GNG7: variants seen among roughly 807,000 people sequenced by gnomAD.
The protein encoded by GNG7 is guanine nucleotide-binding protein G(I)/G(S)/G(O) subunit gamma-7.
GNG7 carries 1 observed loss-of-function variant against 4.0 expected under a neutral mutation model. The ratio of observed to expected loss-of-function variants is 0.25; its 90% CI spans 0.09 to 1.18. GNG7 has a LOEUF of 1.18. Ranked by LOEUF, GNG7 falls within the 50% of genes most tolerant of loss-of-function variation. The pLI is 0.50. For missense variants in GNG7, 86 were observed against 91.9 expected, an observed-to-expected ratio of 0.94 and a Z score of 0.26; for synonymous variants, 34 against 36.9, an observed-to-expected ratio of 0.92 and a Z score of 0.29.
intron 1 of GNG7, among the ~76,000 whole-genome samples, chr19:2,669,350 C>T (rs763898315): frequency 3.9e-5 from 6 of 152,014 alleles, no homozygotes; most frequent in Admixed American, 6.6e-5. Flanking sequence ...ATTAGCTGGG[C>T]GTGGTGGTGC....
intron 2 of GNG7, among the ~76,000 whole-genome samples, chr19:2,598,676 A>G (rs1202473945): frequency 1.1e-5 from 1 of 88,762 alleles, no homozygotes; most frequent in African/African-American, 4.5e-5. Context: ...GAAAAGTAAT[A>G]AAATAATAAT....
intron 2 of GNG7, among the ~76,000 whole-genome samples, chr19:2,628,986 G>C (rs1476726122): frequency 6.6e-6 from 1 of 152,190 alleles, no homozygotes; most frequent in East Asian, 1.9e-4. Flanking sequence ...CAGGCGGTGG[G>C]GGTCTTGGGC....
intron 1 of GNG7, among the ~76,000 whole-genome samples, chr19:2,682,184 C>T (rs1254856421): frequency 6.6e-6 from 1 of 151,914 alleles, no homozygotes; most frequent in Non-Finnish European, 1.5e-5. Context: ...GCTGTGATTA[C>T]AGGCGTGAGC....
In GNG7 at chr19:2,514,962, CAGAGACAGAG is replaced by C; in HGVS notation, c.*50_*59del. On this transcript the variant is annotated 3_prime_UTR_variant, in exon 5 of 5. Transcript: ENST00000382159. ...AATGATGCCCTGCCTGAGACAGAGA[CAGAGACAGAG>C]AGAGAGAGAGAGAAAGAGAGAGAGA... 6.5e-6 allele frequency: 9 copies of C among 1,374,664 alleles called. No individual in the cohort carries two copies. The highest frequency in any genetic ancestry group is 1.4e-5 in the African/African-American group (1 of 69,294). The allele number at this position is 1,374,664 out of a possible 1,614,324, so 85.2% of individuals were successfully genotyped here.
At chr19:2,620,582 A>G (rs1265606428) in intron 2 of GNG7, among the ~76,000 whole-genome samples, 1 of 152,216 alleles carries the variant, frequency 6.6e-6, no homozygotes, top group African/African-American at 2.4e-5. Context: ...ATTTTCAACG[A>G]AACATCCCAG....
At chr19:2,533,055 C>T (rs1001721810) in intron 3 of GNG7, among the ~76,000 whole-genome samples, 1 of 151,820 alleles carries the variant, frequency 6.6e-6, no homozygotes, top group African/African-American at 2.4e-5. Flanking sequence ...TGCCTGTCAA[C>T]GAGAGAATAA....
At chr19:2,515,293 C>G in intron 4 of GNG7, 146 bp from the exon 5 acceptor site, 2 of 896,030 alleles carry the variant, frequency 2.2e-6, no homozygotes, top group East Asian at 2.6e-5. Context: ...TGCGGCCCGT[C>G]CACACGCTGG....
intron 1 of GNG7, among the ~76,000 whole-genome samples, chr19:2,687,741 C>T (rs960423496): frequency 1.1e-4 from 17 of 150,800 alleles, no homozygotes; most frequent in African/African-American, 3.9e-4. Flanking sequence ...TTTGGGAGGC[C>T]GAGGCAGGCA....
At chr19:2,574,406 G>A (rs1011521847) in intron 2 of GNG7, among the ~76,000 whole-genome samples, 2 of 152,080 alleles carry the variant, frequency 1.3e-5, no homozygotes, top group African/African-American at 4.8e-5. Flanking sequence ...CCAGCCCCTG[G>A]CACTCACTCA....
intron 2 of GNG7, among the ~76,000 whole-genome samples, chr19:2,599,005 G>A (rs775772477): frequency 7.2e-5 from 11 of 152,300 alleles, no homozygotes; most frequent in Non-Finnish European, 1.3e-4. Context: ...CAGTTCCACC[G>A]AGGGCCCATG....
intron 1 of GNG7, among the ~76,000 whole-genome samples, chr19:2,685,788 G>A (rs1193318592): frequency 6.6e-6 from 1 of 152,130 alleles, no homozygotes; most frequent in Non-Finnish European, 1.5e-5. Flanking sequence ...CTCCCGAGAC[G>A]AGGGCCTGGT....
chr19:2,673,295 AAAC>A (rs1983512882), intron 1 of GNG7, among the ~76,000 whole-genome samples: 6 of 150,880 alleles, frequency 4.0e-5, no homozygotes, highest in African/African-American at 1.5e-4. Context: ...AAACAAAAAA[AAAC>A]CCAGCAGGTC....
At chr19:2,668,192 T>G (rs78907674) in intron 1 of GNG7, among the ~76,000 whole-genome samples, 1 of 148,468 alleles carries the variant, frequency 6.7e-6, no homozygotes, top group East Asian at 2.0e-4. Flanking sequence ...TCTGTAAATC[T>G]GAAACTATTC....
At chr19:2,598,803 G>A (rs1036231508) in intron 2 of GNG7, among the ~76,000 whole-genome samples, 3 of 151,852 alleles carry the variant, frequency 2.0e-5, no homozygotes, top group African/African-American at 7.2e-5. Context: ...TCTTTCTAAG[G>A]AGCCACTAGG....
chr19:2,671,469 C>A (rs1020584215), intron 1 of GNG7, among the ~76,000 whole-genome samples: 1 of 152,144 alleles, frequency 6.6e-6, no homozygotes, highest in East Asian at 1.9e-4. Context: ...CTGCCTCACA[C>A]GCTTCCCCCA....
chr19:2,513,158 C>T lies in GNG7; in HGVS notation c.*1864G>A, dbSNP rs1395251668. ...GCACACACACCCGGAGCCCTCTAGC[C>T]TTGGCGAGGTGGGAACCCTGGCAGT... On this transcript the variant is annotated 3_prime_UTR_variant, in exon 5 of 5. Transcript: ENST00000382159. 1 of 983,070 alleles carries T rather than the reference C, an allele frequency of 1.0e-6. No individual in the cohort carries two copies. Among genetic ancestry groups the T allele is most frequent in the Non-Finnish European group, 1.2e-6 (1 of 827,846 alleles). The allele number at this position is 983,070 out of a possible 1,614,324, so 60.9% of individuals were successfully genotyped here. A position where few individuals can be genotyped will look rare whatever the true frequency, so the allele number is the denominator to read the frequency against.
chr19:2,608,564 C>T (rs897535939), intron 2 of GNG7, among the ~76,000 whole-genome samples: 1 of 152,226 alleles, frequency 6.6e-6, no homozygotes, highest in Non-Finnish European at 1.5e-5. Context: ...TGCAGAGTCA[C>T]GAGACCAGCA....
At chr19:2,567,987 G>T (rs1435486197) in intron 2 of GNG7, among the ~76,000 whole-genome samples, 1 of 152,062 alleles carries the variant, frequency 6.6e-6, no homozygotes, top group African/African-American at 2.4e-5. Context: ...CATCTCACCA[G>T]GCACTCCAGC....
intron 3 of GNG7, among the ~76,000 whole-genome samples, chr19:2,529,268 G>A (rs974278606): frequency 6.6e-6 from 1 of 152,210 alleles, no homozygotes; most frequent in Non-Finnish European, 1.5e-5. Flanking sequence ...CCAGGCTGGA[G>A]TGCAGTGGCA....
Sources: allele counts gnomAD v4.1 joint callset (sites outside exome capture counted in the v4.1 genomes callset), GRCh38; gene constraint gnomAD v4.1.1; transcripts MANE v1.5; gene names NCBI Gene and HGNC (gene_info 2026-07-23, HGNC 2026-07-21).